Variants in IGSF11 observed in about 807,000 individuals in gnomAD.
The protein encoded by IGSF11 is CXADR like 1.
IGSF11 carries 22 observed loss-of-function variants against 41.0 expected under a neutral mutation model. That is an observed-to-expected ratio of 0.54 (90% CI 0.38 to 0.77). The LOEUF is 0.77. IGSF11 is among the 30% of genes least tolerant of loss of function. The probability of loss-of-function intolerance (pLI) is 0.00; values close to 1 mark genes in which losing one functional copy is unlikely to be tolerated. For synonymous variants in IGSF11, 219 were observed against 201.3 expected (o/e 1.09, Z -0.74); for missense variants, 444 against 530.8 (o/e 0.84, Z 1.61).
intron 1 of IGSF11, among the ~76,000 whole-genome samples, chr3:119,061,385 C>T (rs1942046132): frequency 6.6e-6 from 1 of 152,158 alleles, no homozygotes; most frequent in Non-Finnish European, 1.5e-5. Context: ...TCCAGAGATT[C>T]TCTGACACCA....
chr3:118,963,787 C>G (rs563976446), intron 1 of IGSF11, among the ~76,000 whole-genome samples: 1 of 152,172 alleles, frequency 6.6e-6, no homozygotes, highest in African/African-American at 2.4e-5. Flanking sequence ...TATAGAGAGA[C>G]AGAGAATCAA....
intron 1 of IGSF11, among the ~76,000 whole-genome samples, chr3:119,003,749 A>C (rs1479214149): frequency 1.3e-5 from 2 of 151,776 alleles, no homozygotes; most frequent in African/African-American, 4.9e-5. Flanking sequence ...GGCTCTCTTT[A>C]TATGCTGGAT....
At chr3:119,105,178 T>G in exon 1 of IGSF11, 1 of 1,607,928 alleles carries the variant, frequency 6.2e-7, no homozygotes, top group Non-Finnish European at 8.5e-7. Context: ...AGAGCAAAAG[T>G]TCCACCAGAG....
chr3:118,959,689 G>A (rs1185940671), intron 1 of IGSF11, among the ~76,000 whole-genome samples: 3 of 152,172 alleles, frequency 2.0e-5, no homozygotes, highest in Admixed American at 6.5e-5. Context: ...GTCTTGATTA[G>A]AGAGAATAGC....
intron 1 of IGSF11, among the ~76,000 whole-genome samples, chr3:118,978,603 A>G (rs1229024655): frequency 6.6e-6 from 1 of 152,212 alleles, no homozygotes; most frequent in Admixed American, 6.5e-5. Flanking sequence ...CCCGGATCTC[A>G]GCACAACTTC....
intron 1 of IGSF11, among the ~76,000 whole-genome samples, chr3:119,139,832 T>C (rs918177032): frequency 6.6e-5 from 10 of 152,164 alleles, no homozygotes; most frequent in Admixed American, 1.3e-4. Context: ...TTATAATCTG[T>C]AAAGATGTAA....
chr3:119,112,838 G>T (rs1473694891), intron 1 of IGSF11: 1 of 152,212 alleles, frequency 6.6e-6, no homozygotes, highest in Non-Finnish European at 1.5e-5. Context: ...AACTACCTGA[G>T]TCTGGGTAAT....
chr3:119,045,652 G>A (rs905837252), intron 1 of IGSF11, among the ~76,000 whole-genome samples: 3 of 152,042 alleles, frequency 2.0e-5, no homozygotes, highest in East Asian at 1.9e-4. Flanking sequence ...ACAGCTCAAG[G>A]AGGCCTGCCT....
Position 118,901,760 on chromosome 3 carries a change from A to G in IGSF11, c.*760T>C, listed in dbSNP as rs922744897. On this transcript the variant is annotated 3_prime_UTR_variant, in exon 7 of 7. Transcript: ENST00000393775. ...GCCTCTCATGTATTTAAAAAAAAAAAAAAGCCTTTTATAAAAAAATATTTT... is the reference window on the plus strand; with the variant it reads ...GCCTCTCATGTATTTAAAAAAAAAAGAAAGCCTTTTATAAAAAAATATTTT... The G allele has an allele frequency of 6.6e-6, 1 of 152,032 alleles. No homozygotes were observed. The highest frequency in any genetic ancestry group is 2.4e-5 in the African/African-American group (1 of 41,402). 9.4% of individuals were successfully genotyped at this position (152,032 alleles called of 1,614,324 possible). A position where few individuals can be genotyped will look rare whatever the true frequency, so the allele number is the denominator to read the frequency against.
At chr3:119,025,701 G>T (rs966792860) in intron 1 of IGSF11, among the ~76,000 whole-genome samples, 2 of 151,834 alleles carry the variant, frequency 1.3e-5, no homozygotes, top group Non-Finnish European at 1.5e-5. Flanking sequence ...GACATACTGG[G>T]TTTGAATTAC....
rs144207059 is a variant in IGSF11, at chr3:118,995,364, C to T, written c.52+39167G>A. 6.2e-3 allele frequency among the ~76,000 whole-genome samples: 936 copies of T among 149,820 alleles called. 8 individuals are homozygous for T. The highest frequency in any genetic ancestry group is 0.021 in the African/African-American group (851 of 41,406). On this transcript the variant is annotated intron_variant, in intron 1 of 6. Coordinates refer to ENST00000393775, the MANE Select transcript of IGSF11 (RefSeq NM_001015887.3). ...TGGAGCCCTGTACAGGCAATGATCA[C>T]CGTTTAGCCCCCACAACTGAAGAAC... is the stretch of plus-strand genomic sequence containing the variant.
At chr3:118,981,816 A>C (rs1208993302) in intron 1 of IGSF11, 3 of 152,402 alleles carry the variant, frequency 2.0e-5, no homozygotes, top group Non-Finnish European at 4.4e-5. Flanking sequence ...GACCCCAGTA[A>C]AGACTTCGAC....
At chr3:119,008,473 C>A (rs1271992793) in intron 1 of IGSF11, among the ~76,000 whole-genome samples, 1 of 152,086 alleles carries the variant, frequency 6.6e-6, no homozygotes, top group Non-Finnish European at 1.5e-5. Context: ...TGTACAGAAA[C>A]CTAGGGAGTA....
At chr3:119,118,389 C>T (rs949350360) in intron 1 of IGSF11, among the ~76,000 whole-genome samples, 2 of 152,240 alleles carry the variant, frequency 1.3e-5, no homozygotes, top group African/African-American at 2.4e-5. Flanking sequence ...TTGAGGCTAG[C>T]ATCCTCTGAA....
chr3:119,022,214 G>C (rs1939360839), intron 1 of IGSF11, among the ~76,000 whole-genome samples: 1 of 152,130 alleles, frequency 6.6e-6, no homozygotes, highest in South Asian at 2.1e-4. Context: ...ACTTATATGA[G>C]GTATCTGGAA....
intron 1 of IGSF11, among the ~76,000 whole-genome samples, chr3:119,137,424 C>T (rs914836997): frequency 6.6e-6 from 1 of 152,130 alleles, no homozygotes; most frequent in Middle Eastern, 3.2e-3. Context: ...TATACATCTA[C>T]AATGAATTCA....
At chr3:118,906,774 T>C (rs1405486747) in intron 4 of IGSF11, among the ~76,000 whole-genome samples, 3 of 152,234 alleles carry the variant, frequency 2.0e-5, no homozygotes, top group Non-Finnish European at 4.4e-5. Flanking sequence ...AAAAAGTTAA[T>C]AGTTATTAGT....
chr3:118,967,806 T>C (rs968466103), intron 1 of IGSF11, among the ~76,000 whole-genome samples: 2 of 152,196 alleles, frequency 1.3e-5, no homozygotes, highest in Non-Finnish European at 2.9e-5. Context: ...TTCCTCTTTG[T>C]AGGAGCTTTT....
In IGSF11 at chr3:118,900,759, T is replaced by C. The variant is rs905814880; in HGVS notation, c.*1761A>G. On this transcript the variant is annotated 3_prime_UTR_variant, in exon 7 of 7. Coordinates refer to ENST00000393775, the MANE Select transcript of IGSF11 (RefSeq NM_001015887.3). ...GTCATGGTATTTTCACTTTTCTTTA[T>C]AAAAAGTATAGACATTCATTTATTT... 3.3e-5 allele frequency: 5 copies of C among 152,558 alleles called. No individual in the cohort carries two copies. The highest frequency in any genetic ancestry group is 7.4e-5 in the Non-Finnish European group (5 of 68,018). 9.5% of individuals were successfully genotyped at this position (152,558 alleles called of 1,614,324 possible).
Sources: allele counts gnomAD v4.1 joint callset (sites outside exome capture counted in the v4.1 genomes callset), GRCh38; gene constraint gnomAD v4.1.1; transcripts MANE v1.5; gene names NCBI Gene and HGNC (gene_info 2026-07-23, HGNC 2026-07-21).